SAMD5: variants seen among roughly 807,000 people sequenced by gnomAD.
The protein encoded by SAMD5 is sterile alpha motif domain-containing protein 5.
In SAMD5, 13 loss-of-function variants were observed where a neutral mutation model predicts 11.3. That is an observed-to-expected ratio of 1.15 (90% confidence interval 0.75 to 1.83). The LOEUF (loss-of-function observed/expected upper bound fraction) is 1.83, where lower values mean the gene tolerates loss of function less well. SAMD5 is among the 40% of genes most tolerant of loss of function. The pLI is 0.00. For missense variants in SAMD5, 255 were observed against 239.1 expected (o/e 1.07, Z -0.44); for synonymous variants, 129 against 111.3 (o/e 1.16, Z -1.00).
chr6:147,558,989 T>C (rs1788903261), intron 1 of SAMD5, among the ~76,000 whole-genome samples: 1 of 152,254 alleles, frequency 6.6e-6, no homozygotes, highest in African/African-American at 2.4e-5. Flanking sequence ...ATTAAACTTC[T>C]TGAAAGAGTG....
chr6:147,950,665 GGTAAGCTCAGGT>G, the SAMD5 span, among the ~76,000 whole-genome samples: 1 of 152,096 alleles, frequency 6.6e-6, no homozygotes, highest in Non-Finnish European at 1.5e-5. Context: ...AAAGCAGCAG[GGTAAGCTCAGGT>G]GTTGGGGACC....
At chr6:147,696,311 C>A (rs1192194802) in intron 1 of SAMD5, among the ~76,000 whole-genome samples, 1 of 151,572 alleles carries the variant, frequency 6.6e-6, no homozygotes, top group Non-Finnish European at 1.5e-5. Flanking sequence ...TTAATTTATA[C>A]TAAATTCTTA....
chr6:147,772,390 A>G, the SAMD5 span, among the ~76,000 whole-genome samples: 2 of 152,130 alleles, frequency 1.3e-5, no homozygotes, highest in African/African-American at 4.8e-5. Context: ...AATATTTCAC[A>G]TTTAAATGCC....
At chr6:147,589,579 A>T (rs1027136026) in intron 1 of SAMD5, among the ~76,000 whole-genome samples, 6 of 152,184 alleles carry the variant, frequency 3.9e-5, no homozygotes, top group African/African-American at 1.4e-4. Context: ...ATCTGAGCAC[A>T]GGGGAATGGT....
chr6:147,911,252 C>T, the SAMD5 span, among the ~76,000 whole-genome samples: 5 of 152,192 alleles, frequency 3.3e-5, no homozygotes, highest in Admixed American at 2.0e-4. Context: ...TGTAGCAACA[C>T]GGTTGTTTAG....
chr6:147,864,714 G>A, the SAMD5 span, among the ~76,000 whole-genome samples: 6 of 152,104 alleles, frequency 3.9e-5, no homozygotes, highest in Admixed American at 3.9e-4. Context: ...AGTTTTTCAG[G>A]TTATATCATT....
intron 1 of SAMD5, among the ~76,000 whole-genome samples, chr6:147,644,442 T>C (rs1790366973): frequency 6.6e-6 from 1 of 152,190 alleles, no homozygotes; most frequent in African/African-American, 2.4e-5. Flanking sequence ...CTTATACTGT[T>C]TTGTGTTAGT....
At chr6:147,758,119 A>G in the SAMD5 span, among the ~76,000 whole-genome samples, 2 of 152,314 alleles carry the variant, frequency 1.3e-5, no homozygotes, top group Non-Finnish European at 2.9e-5. Flanking sequence ...ATTTATAGTC[A>G]CTAATATGAA....
At chr6:147,549,574 CA>C (rs1030855564) in intron 1 of SAMD5, among the ~76,000 whole-genome samples, 1 of 152,130 alleles carries the variant, frequency 6.6e-6, no homozygotes, top group Non-Finnish European at 1.5e-5. Context: ...AACACATCAC[CA>C]AGCAGCCAAC....
intron 1 of SAMD5, chr6:147,730,136 TGAAA>T (rs966082141): frequency 2.6e-6 from 1 of 377,896 alleles, no homozygotes; most frequent in African/African-American, 2.5e-5. Context: ...TACAGCAGAG[TGAAA>T]GAGAGGGAGA....
intron 1 of SAMD5, among the ~76,000 whole-genome samples, chr6:147,668,245 A>G (rs1790748746): frequency 6.6e-6 from 1 of 152,204 alleles, no homozygotes; most frequent in African/African-American, 2.4e-5. Context: ...TATGTAGATC[A>G]GAAATAGCTT....
chr6:147,952,890 T>G, the SAMD5 span, among the ~76,000 whole-genome samples: 3 of 152,212 alleles, frequency 2.0e-5, no homozygotes, highest in East Asian at 5.8e-4. Context: ...TAATGTATTA[T>G]CTCCTTTTTT....
intron 1 of SAMD5, among the ~76,000 whole-genome samples, chr6:147,730,646 A>T (rs916153385): frequency 1.2e-4 from 18 of 152,264 alleles, no homozygotes; most frequent in Middle Eastern, 3.4e-3. Context: ...AAGCCATGAG[A>T]TGAGATTACC....
At chr6:147,901,151 A>G in the SAMD5 span, among the ~76,000 whole-genome samples, 1 of 152,208 alleles carries the variant, frequency 6.6e-6, no homozygotes, top group Non-Finnish European at 1.5e-5. Context: ...TAATGATAGT[A>G]CCAGTATTAT....
the SAMD5 span, among the ~76,000 whole-genome samples, chr6:147,817,665 T>C: frequency 1.3e-5 from 2 of 152,248 alleles, no homozygotes; most frequent in Non-Finnish European, 2.9e-5. Context: ...AGGATTTGGC[T>C]GAATTATTAC....
intron 1 of SAMD5, among the ~76,000 whole-genome samples, chr6:147,720,482 A>G (rs529847092): frequency 6.6e-6 from 1 of 150,874 alleles, no homozygotes; most frequent in Admixed American, 6.6e-5. Context: ...AAAACCTTCC[A>G]CGGTCTCCCC....
intron 1 of SAMD5, among the ~76,000 whole-genome samples, chr6:147,631,485 C>A (rs140451803): frequency 6.6e-6 from 1 of 151,968 alleles, no homozygotes; most frequent in Non-Finnish European, 1.5e-5. Context: ...AGATTGATGC[C>A]GGTAAGAGGT....
At chr6:147,647,134 C>T (rs796466107) in intron 1 of SAMD5, among the ~76,000 whole-genome samples, 25 of 151,654 alleles carry the variant, frequency 1.6e-4, no homozygotes, top group Middle Eastern at 3.4e-3. Context: ...GCCATTGCAC[C>T]CCAGCCTGAG....
At chr6:147,931,568 G>A in the SAMD5 span, among the ~76,000 whole-genome samples, 2 of 151,996 alleles carry the variant, frequency 1.3e-5, no homozygotes, top group East Asian at 1.9e-4. Flanking sequence ...TAATAATTGG[G>A]CTGTTTAAGT....
Sources: allele counts gnomAD v4.1 joint callset (sites outside exome capture counted in the v4.1 genomes callset), GRCh38; gene constraint gnomAD v4.1.1; transcripts MANE v1.5; gene names NCBI Gene and HGNC (gene_info 2026-07-23, HGNC 2026-07-21).